Variants in XRN2 observed in about 807,000 individuals in gnomAD.
XRN2 encodes 5'-3' exoribonuclease 2.
In XRN2, 44 loss-of-function variants were observed where a neutral mutation model predicts 138.5. The observed-to-expected ratio is 0.32, with a 90% CI of 0.25 to 0.41. The LOEUF is 0.41. Among genes scored for constraint, XRN2 ranks in the 10% least tolerant of loss-of-function variants. The probability of loss-of-function intolerance (pLI) is 1.00; values close to 1 mark genes in which losing one functional copy is unlikely to be tolerated. For synonymous variants in XRN2, 354 were observed against 369.4 expected, an observed-to-expected ratio of 0.96 and a Z score of 0.48; for missense variants, 937 against 1,169.3, an observed-to-expected ratio of 0.80 and a Z score of 2.90.
At chr20:21,342,119 C>T (rs6132417) in intron 15 of XRN2, among the ~76,000 whole-genome samples, 2 of 152,112 alleles carry the variant, frequency 1.3e-5, no homozygotes, top group Non-Finnish European at 2.9e-5. Flanking sequence ...GGATTTTCAC[C>T]TAGAATGTTC....
At chr20:21,381,282 C>T (rs1044080989) in intron 27 of XRN2, among the ~76,000 whole-genome samples, 1 of 152,078 alleles carries the variant, frequency 6.6e-6, no homozygotes. Context: ...CACAGCAGAC[C>T]CCGCTGAAGG....
chr20:21,375,949 C>G (rs1436129580), intron 27 of XRN2, among the ~76,000 whole-genome samples: 1 of 151,768 alleles, frequency 6.6e-6, no homozygotes, highest in African/African-American at 2.4e-5. Context: ...TGCCATTCTC[C>G]TGCCTCAGCC....
At chr20:21,350,409 C>T (rs1366975639) in intron 20 of XRN2, among the ~76,000 whole-genome samples, 2 of 150,816 alleles carry the variant, frequency 1.3e-5, no homozygotes, top group Non-Finnish European at 2.9e-5. Flanking sequence ...GCCTGTAGTC[C>T]CAGCTACTCG....
chr20:21,366,736 C>T (rs1006980401), intron 26 of XRN2, among the ~76,000 whole-genome samples: 12 of 152,118 alleles, frequency 7.9e-5, no homozygotes, highest in Non-Finnish European at 1.3e-4. Flanking sequence ...GCATTTTGGA[C>T]AACACATTAT....
At chr20:21,353,837 A>G (rs975474354) in intron 20 of XRN2, among the ~76,000 whole-genome samples, 2 of 151,944 alleles carry the variant, frequency 1.3e-5, no homozygotes, top group Non-Finnish European at 2.9e-5. Context: ...GTGAAATTGA[A>G]CATGATTCCT....
intron 28 of XRN2, among the ~76,000 whole-genome samples, chr20:21,385,899 T>G (rs2038932419): frequency 6.6e-6 from 1 of 152,214 alleles, no homozygotes; most frequent in African/African-American, 2.4e-5. Context: ...ACATGGTCAG[T>G]GGCCCCAAAG....
At chr20:21,353,201 TATAA>T (rs929949269) in intron 20 of XRN2, among the ~76,000 whole-genome samples, 137 of 145,084 alleles carry the variant, frequency 9.4e-4, no homozygotes, top group Non-Finnish European at 1.4e-3. Context: ...TATATATAAA[TATAA>T]ATAAATGTAG....
At chr20:21,360,475 A>G (rs1357957845) in intron 24 of XRN2, among the ~76,000 whole-genome samples, 1 of 145,370 alleles carries the variant, frequency 6.9e-6, no homozygotes, top group African/African-American at 2.6e-5. Context: ...TTTTTTTCTC[A>G]TAGCACCTAG....
At chr20:21,317,527 CTG>C (rs1335205787) in intron 1 of XRN2, among the ~76,000 whole-genome samples, 1 of 152,114 alleles carries the variant, frequency 6.6e-6, no homozygotes. Context: ...CTTGCAGTAT[CTG>C]TGAGGGATTG....
At chr20:21,362,652 C>T (rs148241207) in intron 24 of XRN2, among the ~76,000 whole-genome samples, 3 of 152,284 alleles carry the variant, frequency 2.0e-5, no homozygotes, top group Admixed American at 6.5e-5. Context: ...TCACATTATA[C>T]TCACACAAAC....
chr20:21,352,075 T>G (rs1600701392), intron 20 of XRN2, among the ~76,000 whole-genome samples: 1 of 152,324 alleles, frequency 6.6e-6, no homozygotes, highest in East Asian at 1.9e-4. Flanking sequence ...ACCTCAAATA[T>G]TTTTGTATTT....
intron 16 of XRN2, among the ~76,000 whole-genome samples, chr20:21,344,996 G>T (rs2038418310): frequency 6.6e-6 from 1 of 152,222 alleles, no homozygotes; most frequent in Non-Finnish European, 1.5e-5. Context: ...GACATGGAAA[G>T]TGTGTGATTT....
At position 21,326,545 on chromosome 20, in the gene XRN2, A is replaced by G; in HGVS notation, c.259A>G (p.Arg87Gly). The G allele has an allele frequency of 6.2e-7, 1 of 1,614,112 alleles. No individual in the cohort carries two copies. The highest frequency in any genetic ancestry group is 8.5e-7 in the Non-Finnish European group (1 of 1,179,986). Residue 87 changes from arginine (R) to glycine (G), a missense_variant, in exon 3 of 30, where the codon AGA becomes GGA. By Grantham distance (125) the Arg-to-Gly change is moderately radical. Coordinates refer to ENST00000377191, the MANE Select transcript of XRN2 (RefSeq NM_012255.5). ...GGTTGCAATTTTTGAGTACATTGAC[A>G]GACTTTTCAGTATTGTAAGACCAAG... The part of the protein sequence containing the change: ...MMVAIFEYID[R>G]LFSIVRPRRL...
intron 3 of XRN2, 26 bp downstream of exon 3, chr20:21,326,627 T>A (rs1346957979): frequency 6.4e-7 from 1 of 1,567,830 alleles, no homozygotes; most frequent in Admixed American, 1.9e-5. Context: ...ATTAGAAGCC[T>A]CCATTTTGTT....
intron 24 of XRN2, among the ~76,000 whole-genome samples, chr20:21,360,002 A>G (rs1600706850): frequency 1.3e-5 from 2 of 152,246 alleles, no homozygotes; most frequent in East Asian, 3.9e-4. Context: ...TGTAGTGCTC[A>G]GAAAGTATGT....
At chr20:21,315,404 G>T (rs966202466) in intron 1 of XRN2, among the ~76,000 whole-genome samples, 1 of 152,204 alleles carries the variant, frequency 6.6e-6, no homozygotes, top group Non-Finnish European at 1.5e-5. Flanking sequence ...TGCATTTTCT[G>T]ATGACTAGTC....
intron 1 of XRN2, chr20:21,303,739 CT>C (rs1341798386): frequency 6.6e-6 from 8 of 1,218,088 alleles, no homozygotes; most frequent in South Asian, 3.0e-5. Flanking sequence ...CCCCTACTCG[CT>C]TTTTCCCGGC....
chr20:21,351,393 A>G (rs916047986), intron 20 of XRN2, among the ~76,000 whole-genome samples: 8 of 152,164 alleles, frequency 5.3e-5, no homozygotes, highest in Non-Finnish European at 8.8e-5. Context: ...CCATTTCTAA[A>G]TCTTTGGAGA....
chr20:21,314,466 G>A (rs2037929795), intron 1 of XRN2, among the ~76,000 whole-genome samples: 1 of 152,094 alleles, frequency 6.6e-6, no homozygotes, highest in East Asian at 1.9e-4. Context: ...AGAGTTGCTG[G>A]ATTATATGGT....
Sources: allele counts gnomAD v4.1 joint callset (sites outside exome capture counted in the v4.1 genomes callset), GRCh38; gene constraint gnomAD v4.1.1; transcripts MANE v1.5; gene names NCBI Gene and HGNC (gene_info 2026-07-23, HGNC 2026-07-21).